The following SEMA3E variants were observed in gnomAD, a reference collection of about 807,000 sequenced individuals.
SEMA3E encodes the protein semaphorin-3E.
Under a neutral mutation model 93.6 loss-of-function variants are expected in SEMA3E, and 49 were observed. The ratio of observed to expected loss-of-function variants is 0.52; its 90% CI spans 0.42 to 0.66. The LOEUF (loss-of-function observed/expected upper bound fraction) is 0.66. SEMA3E is among the 30% of genes least tolerant of loss of function. The probability of loss-of-function intolerance (pLI) is 0.00; values close to 1 mark genes in which losing one functional copy is unlikely to be tolerated. For synonymous variants in SEMA3E, 363 were observed against 330.7 expected (o/e 1.10, Z -1.06); for missense variants, 906 against 964.8 (o/e 0.94, Z 0.81).
At chr7:83,384,890 G>A (rs1787848415) in intron 16 of SEMA3E, among the ~76,000 whole-genome samples, 1 of 151,872 alleles carries the variant, frequency 6.6e-6, no homozygotes, top group Non-Finnish European at 1.5e-5. Flanking sequence ...TTATTCATAT[G>A]TCTAAGACAT....
At chr7:83,595,296 C>T (rs1792849326) in intron 1 of SEMA3E, among the ~76,000 whole-genome samples, 1 of 152,026 alleles carries the variant, frequency 6.6e-6, no homozygotes, top group Non-Finnish European at 1.5e-5. Flanking sequence ...AAAATGGCTT[C>T]TCTTTTTCTT....
At chr7:83,382,552 G>A (rs1282349005) in intron 16 of SEMA3E, among the ~76,000 whole-genome samples, 2 of 151,748 alleles carry the variant, frequency 1.3e-5, no homozygotes, top group African/African-American at 2.4e-5. Context: ...ATAAATAATA[G>A]CCTCAGTTAT....
intron 4 of SEMA3E, among the ~76,000 whole-genome samples, chr7:83,428,561 G>T (rs1788817819): frequency 6.6e-6 from 1 of 152,040 alleles, no homozygotes; most frequent in Non-Finnish European, 1.5e-5. Context: ...AATTCTGAAT[G>T]TGATTCACTC....
intron 1 of SEMA3E, among the ~76,000 whole-genome samples, chr7:83,550,564 C>T (rs1639302): frequency 0.33 from 50,662 of 151,870 alleles, 10,331 homozygotes; most frequent in African/African-American, 0.57. Context: ...AAATGAGAAG[C>T]TATTATCTGA....
At chr7:83,411,504 TTA>T (rs1159649315) in intron 5 of SEMA3E, among the ~76,000 whole-genome samples, 2 of 152,140 alleles carry the variant, frequency 1.3e-5, no homozygotes, top group African/African-American at 4.8e-5. Context: ...TTGATAATAA[TTA>T]TGTTTAGCAA....
chr7:83,394,219 T>C (rs1788073217), intron 13 of SEMA3E, 78 bp downstream of exon 13: 12 of 1,440,772 alleles, frequency 8.3e-6, no homozygotes, highest in Non-Finnish European at 1.2e-5. Context: ...CATGTACTAA[T>C]GTTCTCATAT....
chr7:83,526,693 C>T (rs1165031028), intron 1 of SEMA3E, among the ~76,000 whole-genome samples: 5 of 152,106 alleles, frequency 3.3e-5, no homozygotes, highest in East Asian at 1.9e-4. Flanking sequence ...GATTAAGTTG[C>T]TATTGTTTTC....
chr7:83,390,035 A>T, intron 14 of SEMA3E, among the ~76,000 whole-genome samples: 1 of 141,490 alleles, frequency 7.1e-6, no homozygotes, highest in African/African-American at 2.8e-5. Context: ...GTATACGTAT[A>T]CACATATATG....
chr7:83,529,650 T>C (rs571795822), intron 1 of SEMA3E, among the ~76,000 whole-genome samples: 1 of 152,240 alleles, frequency 6.6e-6, no homozygotes, highest in East Asian at 1.9e-4. Context: ...TCTGGAAAGA[T>C]GTCAGAAAAA....
intron 1 of SEMA3E, among the ~76,000 whole-genome samples, chr7:83,521,019 T>A (rs1399988898): frequency 6.6e-6 from 1 of 151,900 alleles, no homozygotes; most frequent in Non-Finnish European, 1.5e-5. Context: ...TGCCTGTAAA[T>A]AGATTGTTTT....
chr7:83,459,607 A>C (rs1789566971), intron 4 of SEMA3E, among the ~76,000 whole-genome samples: 1 of 152,126 alleles, frequency 6.6e-6, no homozygotes, highest in African/African-American at 2.4e-5. Context: ...ATACACTATG[A>C]TGTATTTTGG....
intron 1 of SEMA3E, among the ~76,000 whole-genome samples, chr7:83,538,149 A>C (rs373741306): frequency 1.1e-4 from 17 of 152,150 alleles, no homozygotes; most frequent in Non-Finnish European, 2.9e-5. Context: ...AGTATGAATA[A>C]TGCTACTATA....
chr7:83,591,106 CA>C (rs202162169), intron 1 of SEMA3E, among the ~76,000 whole-genome samples: 366 of 114,548 alleles, frequency 3.2e-3, no homozygotes, highest in East Asian at 0.024. Flanking sequence ...GAGTTATTTG[CA>C]AAAAAAAAAA....
intron 1 of SEMA3E, among the ~76,000 whole-genome samples, chr7:83,622,300 GA>G (rs2115634673): frequency 1.3e-5 from 2 of 152,016 alleles, no homozygotes; most frequent in South Asian, 4.1e-4. Flanking sequence ...CTGCCCGTCA[GA>G]ATGGTGATTA....
chr7:83,614,128 A>T (rs1167867460), intron 1 of SEMA3E, among the ~76,000 whole-genome samples: 1 of 152,108 alleles, frequency 6.6e-6, no homozygotes. Context: ...TAATAATTGC[A>T]CCTGTTGCAA....
intron 16 of SEMA3E, 119 bp from the exon 17 acceptor site, chr7:83,368,157 G>A (rs1794700757): frequency 1.2e-6 from 1 of 852,410 alleles, no homozygotes; most frequent in Admixed American, 2.0e-5. Context: ...ATGAAACCCT[G>A]AAAATCATAC....
intron 5 of SEMA3E, among the ~76,000 whole-genome samples, chr7:83,415,074 G>GT (rs1283588769): frequency 6.6e-6 from 1 of 152,022 alleles, no homozygotes; most frequent in Non-Finnish European, 1.5e-5. Context: ...AAAGAACACT[G>GT]TTTCCTGGAT....
intron 12 of SEMA3E, among the ~76,000 whole-genome samples, chr7:83,394,590 T>A (rs1158559650): frequency 7.7e-6 from 1 of 129,896 alleles, no homozygotes; most frequent in Admixed American, 8.3e-5. Context: ...GTTTGGAATA[T>A]GATTTTTGAA....
At chr7:83,636,750 C>G (rs1255947560) in intron 1 of SEMA3E, among the ~76,000 whole-genome samples, 3 of 152,026 alleles carry the variant, frequency 2.0e-5, no homozygotes, top group African/African-American at 7.3e-5. Context: ...TGGGAGAATA[C>G]AGTGCATTAT....
Sources: gnomAD v4.1 joint callset for allele counts (sites outside exome capture counted in the v4.1 genomes callset) on GRCh38, gnomAD v4.1.1 for gene constraint, MANE v1.5 for transcripts, NCBI Gene and HGNC (gene_info 2026-07-23, HGNC 2026-07-21) for gene names.